FRMD8: variants seen among roughly 807,000 people sequenced by gnomAD.
FRMD8 encodes the protein FERM domain containing 8.
FRMD8 carries 37 observed loss-of-function variants against 54.2 expected under a neutral mutation model. The ratio of observed to expected loss-of-function variants is 0.68; its 90% CI spans 0.53 to 0.90. The LOEUF (loss-of-function observed/expected upper bound fraction) is 0.90, where lower values mean the gene tolerates loss of function less well. FRMD8 is among the 40% of genes least tolerant of loss of function. FRMD8 has a pLI of 0.00. For missense variants in FRMD8, 585 were observed against 653.7 expected (o/e 0.89, Z 1.15); for synonymous variants, 246 against 286.9 (o/e 0.86, Z 1.44).
the FRMD8 span, chr11:65,379,019 G>A: frequency 1.0e-5 from 3 of 295,996 alleles, no homozygotes; most frequent in South Asian, 6.7e-5. Context: ...GCTCTGCGGG[G>A]TGCTGGTGGT....
chr11:65,408,856 C>T (rs950389711), intron 10 of FRMD8, among the ~76,000 whole-genome samples: 2 of 151,718 alleles, frequency 1.3e-5, no homozygotes, highest in Non-Finnish European at 2.9e-5. Context: ...AATGATCCTC[C>T]CACCTCAGCC....
rs535456639 is a variant in FRMD8 at position 65,394,989 on chromosome 11, G to A, written c.581+564G>A. Among the ~76,000 whole-genome samples the A allele has an allele frequency of 2.6e-3, 390 of 152,350 alleles. 3 individuals carry two copies. Among genetic ancestry groups the A allele is most frequent in the Non-Finnish European group, 4.5e-3 (305 of 68,034 alleles). On this transcript the variant is annotated intron_variant, in intron 6 of 10. Transcript: ENST00000317568. ...GGGCCGGACGCGGTGGCCCAGGCCT[G>A]TAATCCCAACACTTTGGGAGGTCAA... is the stretch of plus-strand genomic sequence containing the variant.
the FRMD8 span, among the ~76,000 whole-genome samples, chr11:65,368,267 G>A: frequency 1.1e-4 from 16 of 151,796 alleles, no homozygotes; most frequent in African/African-American, 1.7e-4. Context: ...GTAGAGACGG[G>A]GTTTCACTCT....
intron 7 of FRMD8, among the ~76,000 whole-genome samples, chr11:65,399,468 A>T (rs1382836974): frequency 6.6e-6 from 1 of 152,076 alleles, no homozygotes; most frequent in African/African-American, 2.4e-5. Context: ...GCTTTGCTCC[A>T]CACCTGGGGC....
intron 2 of FRMD8, 48 bp downstream of exon 2, chr11:65,387,169 C>T: frequency 6.8e-7 from 1 of 1,464,786 alleles, no homozygotes; most frequent in Non-Finnish European, 9.5e-7. Context: ...GGGACCCCAG[C>T]CCTGGAGAAG....
chr11:65,406,098 G>A (rs1300702937), intron 10 of FRMD8, among the ~76,000 whole-genome samples: 2 of 151,730 alleles, frequency 1.3e-5, no homozygotes, highest in Admixed American at 1.3e-4. Flanking sequence ...CATGATCTCG[G>A]CTCACTGCAA....
chr11:65,394,670 C>T (rs1299161389), intron 6 of FRMD8, among the ~76,000 whole-genome samples: 1 of 152,198 alleles, frequency 6.6e-6, no homozygotes, highest in Non-Finnish European at 1.5e-5. Flanking sequence ...AGCCCTGCCT[C>T]CTGCCGGCCA....
the FRMD8 span, chr11:65,378,745 C>T: frequency 6.6e-6 from 1 of 152,388 alleles, no homozygotes; most frequent in East Asian, 1.9e-4. Flanking sequence ...GCCGGGCGCA[C>T]CCTCTCCCTG....
At chr11:65,391,257 C>G (rs563887533) in intron 3 of FRMD8, among the ~76,000 whole-genome samples, 1 of 152,354 alleles carries the variant, frequency 6.6e-6, no homozygotes, top group Admixed American at 6.5e-5. Context: ...CTGGAAGTGT[C>G]TGGGACTGCG....
In FRMD8 at chr11:65,389,465, G is replaced by T; in HGVS notation, c.190G>T (p.Val64Phe). ...TGAGCTGCACCGCGCTGTCCGCGAG[G>T]TCCTGCAGCTTCCAGACATCGCCCT... is the stretch of plus-strand genomic sequence containing the variant. ...AHELHRAVRE[V>F]LQLPDIALDV... Residue 64 changes from valine (V) to phenylalanine (F), a missense_variant, in exon 3 of 11, where the codon GTC becomes TTC. Transcript: ENST00000317568. The T allele has an allele frequency of 6.2e-7, 1 of 1,609,252 alleles. No individual in the cohort carries two copies.
chr11:65,388,060 A>G (rs1164701324), intron 2 of FRMD8, among the ~76,000 whole-genome samples: 4 of 151,768 alleles, frequency 2.6e-5, no homozygotes, highest in Non-Finnish European at 5.9e-5. Context: ...GCTACTCAGG[A>G]GGCTGAGGCA....
At chr11:65,405,357 C>G (rs1856173472) in intron 10 of FRMD8, among the ~76,000 whole-genome samples, 1 of 152,224 alleles carries the variant, frequency 6.6e-6, no homozygotes, top group Admixed American at 6.5e-5. Context: ...CGCGGTGGCT[C>G]ACGCCTGTAA....
At chr11:65,409,927 A>C (rs1468350592) in intron 10 of FRMD8, among the ~76,000 whole-genome samples, 1 of 152,024 alleles carries the variant, frequency 6.6e-6, no homozygotes, top group African/African-American at 2.4e-5. Flanking sequence ...CAAACTAAAA[A>C]AACCTTAGCC....
At chr11:65,406,251 T>C (rs1856194270) in intron 10 of FRMD8, among the ~76,000 whole-genome samples, 1 of 150,036 alleles carries the variant, frequency 6.7e-6, no homozygotes, top group Non-Finnish European at 1.5e-5. Context: ...TGGAGTGCAG[T>C]GGGCGCGATC....
At chr11:65,376,618 G>A in the FRMD8 span, 3 of 1,613,920 alleles carry the variant, frequency 1.9e-6, no homozygotes, top group East Asian at 2.2e-5. Flanking sequence ...TAAGGGCGTG[G>A]CTGCCACCCA....
In FRMD8 at chr11:65,400,889, C is replaced by A; in HGVS notation, c.1071+22C>A. 1 of 1,579,232 alleles carries A rather than the reference C, an allele frequency of 6.3e-7. No homozygotes were observed. The highest frequency in any genetic ancestry group is 8.6e-7 in the Non-Finnish European group (1 of 1,161,240). On this transcript the variant is annotated intron_variant, in intron 9 of 10. Coordinates refer to ENST00000317568, the MANE Select transcript of FRMD8 (RefSeq NM_031904.5). This position sits in a 1 kb window ranked among gnomAD's most constrained non-coding sequence, Gnocchi z 4.3. Reference sequence around the variant, plus strand: ...GCAGGTAGCGCGGGTGGTGCCTGCACACGGGTGGGGAGGCTGGGCCCAGGT... The same window carrying A: ...GCAGGTAGCGCGGGTGGTGCCTGCAAACGGGTGGGGAGGCTGGGCCCAGGT...
chr11:65,380,481 T>G, the FRMD8 span: 127 of 1,255,962 alleles, frequency 1.0e-4, no homozygotes, highest in East Asian at 4.0e-4. Flanking sequence ...CATACCCGGG[T>G]ATCCCACCGC....
chr11:65,372,132 G>A, the FRMD8 span, among the ~76,000 whole-genome samples: 2 of 151,522 alleles, frequency 1.3e-5, no homozygotes, highest in Admixed American at 6.6e-5. Flanking sequence ...GGCTGGTCTC[G>A]AACTCCTGAC....
intron 2 of FRMD8, 120 bp downstream of exon 2, chr11:65,387,241 G>A (rs774146628): frequency 5.6e-6 from 5 of 887,232 alleles, no homozygotes; most frequent in Non-Finnish European, 9.2e-6. Context: ...GAAATAATAA[G>A]GTACATTCAG....
Sources: allele counts gnomAD v4.1 joint callset (sites outside exome capture counted in the v4.1 genomes callset), GRCh38; gene constraint gnomAD v4.1.1; non-coding constraint Gnocchi (gnomAD v3.1); transcripts MANE v1.5; gene names NCBI Gene and HGNC (gene_info 2026-07-23, HGNC 2026-07-21).